PID1: variants seen among roughly 807,000 people sequenced by gnomAD.
The protein encoded by PID1 is PTB-containing, cubilin and LRP1-interacting protein.
Under a neutral mutation model 19.1 loss-of-function variants are expected in PID1, and 10 were observed. The observed-to-expected ratio is 0.52, with a 90% CI of 0.32 to 0.89. The LOEUF (loss-of-function observed/expected upper bound fraction) is 0.89, where lower values mean the gene tolerates loss of function less well. Ranked by LOEUF, PID1 falls within the 40% of genes least tolerant of loss-of-function variation. The probability of loss-of-function intolerance (pLI) is 0.03; values close to 1 mark genes in which losing one functional copy is unlikely to be tolerated. For missense variants in PID1, 248 were observed against 285.3 expected (o/e 0.87, Z 0.94); for synonymous variants, 130 against 116.0 (o/e 1.12, Z -0.78).
intron 1 of PID1, among the ~76,000 whole-genome samples, chr2:229,225,332 G>C (rs148614113): frequency 6.6e-6 from 1 of 152,212 alleles, no homozygotes; most frequent in African/African-American, 2.4e-5. Flanking sequence ...AGTAATGCAT[G>C]GGTTATTCTC....
chr2:229,209,098 A>G (rs997386207), intron 1 of PID1, among the ~76,000 whole-genome samples: 18 of 152,214 alleles, frequency 1.2e-4, no homozygotes. Flanking sequence ...AAAGGTTTCA[A>G]AAAAGGCCAC....
intron 2 of PID1, among the ~76,000 whole-genome samples, chr2:229,136,825 C>A (rs369867416): frequency 6.6e-6 from 1 of 151,972 alleles, no homozygotes; most frequent in Non-Finnish European, 1.5e-5. Context: ...TATTCACAGC[C>A]GTAATGGACA....
intron 2 of PID1, among the ~76,000 whole-genome samples, chr2:229,148,505 T>C (rs567331266): frequency 6.6e-6 from 1 of 152,308 alleles, no homozygotes; most frequent in South Asian, 2.1e-4. Context: ...GTGGCTTAAG[T>C]TCCTGCTGGG....
Position 229,271,078 on chromosome 2 carries a change from G to A in PID1, c.-35C>T, listed in dbSNP as rs1463669205. The A allele has an allele frequency of 6.5e-7, 1 of 1,539,204 alleles. No individual in the cohort carries two copies. Among genetic ancestry groups the A allele is most frequent in the Non-Finnish European group, 8.8e-7 (1 of 1,142,006 alleles). ...CTGGGTTTTGGCAGAGGAGACGCTG[G>A]CGAGACTGTCGATCGCGCCGGGGGG... On this transcript the variant is annotated 5_prime_UTR_variant, in exon 1 of 3. Transcript: ENST00000392055.
chr2:229,158,669 T>C (rs1355283122), intron 1 of PID1, among the ~76,000 whole-genome samples: 1 of 151,762 alleles, frequency 6.6e-6, no homozygotes, highest in Non-Finnish European at 1.5e-5. Flanking sequence ...TTCGTCCAAG[T>C]TGACCTTAAG....
At position 229,065,646 on chromosome 2, in the gene PID1, T is replaced by C. The variant is rs538591026; in HGVS notation, c.178-39538A>G. On this transcript the variant is annotated intron_variant, in intron 2 of 2. Transcript: ENST00000392055. ...AAGGTTTATTGAGGTCATTATTTCC[T>C]CTTAAGAAAAGTTTTTTCATTGTAT... Among the ~76,000 whole-genome samples the C allele has an allele frequency of 2.0e-5, 3 of 148,520 alleles. No individual in the cohort carries two copies. In the Admixed American group the frequency reaches 2.0e-4, roughly 10 times the overall value.
intron 2 of PID1, among the ~76,000 whole-genome samples, chr2:229,077,914 C>T (rs2396609): frequency 0.47 from 72,219 of 152,044 alleles, 19,277 homozygotes; most frequent in Non-Finnish European, 0.6. Flanking sequence ...TTTTCTAATT[C>T]CGTGAAGAAA....
intron 1 of PID1, among the ~76,000 whole-genome samples, chr2:229,207,491 T>C (rs1049653567): frequency 6.7e-6 from 1 of 149,524 alleles, no homozygotes; most frequent in Admixed American, 6.7e-5. Context: ...CCAACATTAG[T>C]AGCATGGGTT....
At chr2:229,248,522 T>C (rs1393497147) in intron 1 of PID1, among the ~76,000 whole-genome samples, 2 of 152,198 alleles carry the variant, frequency 1.3e-5, no homozygotes, top group Non-Finnish European at 2.9e-5. Context: ...TACTTTGAGA[T>C]TCTATAAATA....
At chr2:229,036,313 G>A (rs986191030) in intron 2 of PID1, among the ~76,000 whole-genome samples, 3 of 152,154 alleles carry the variant, frequency 2.0e-5, no homozygotes, top group African/African-American at 7.2e-5. Flanking sequence ...AGCCCTACAG[G>A]CTTCTGTGTG....
intron 2 of PID1, among the ~76,000 whole-genome samples, chr2:229,130,429 G>C (rs1249817616): frequency 3.9e-5 from 6 of 152,146 alleles, no homozygotes; most frequent in African/African-American, 1.4e-4. Context: ...CTTTTTTAAA[G>C]AAAACATAGA....
At chr2:229,156,121 C>T (rs952883886) in intron 1 of PID1, among the ~76,000 whole-genome samples, 157 bp from the exon 2 acceptor site, 11 of 152,164 alleles carry the variant, frequency 7.2e-5, no homozygotes, top group Non-Finnish European at 8.8e-5. Flanking sequence ...GGAACTGTGT[C>T]CTGTCAGGAC....
intron 1 of PID1, among the ~76,000 whole-genome samples, chr2:229,250,171 A>G (rs1452537779): frequency 6.6e-6 from 1 of 152,252 alleles, no homozygotes; most frequent in Non-Finnish European, 1.5e-5. Flanking sequence ...AAATGAAATA[A>G]AAGGAAAAGA....
Position 229,025,899 on chromosome 2 carries a change from C to T in PID1, c.387G>A (p.Gln129=), listed in dbSNP as rs1407480217. 4 of 1,614,230 alleles carry T rather than the reference C, an allele frequency of 2.5e-6. No homozygotes were observed. Among genetic ancestry groups the T allele is most frequent in the Non-Finnish European group, 3.4e-6 (4 of 1,180,026 alleles). ...CGGTGCAGTAGGCGATGCGGGCCAC[C>T]TGGAAGGTATCCATGTGCACTGTGG... ...GEATVHMDTF[Q]VARIAYCTAD... The change falls in exon 3 of 3, where the codon CAG becomes CAA. Residue 129 remains glutamine, a synonymous_variant. Transcript: ENST00000392055.
intron 1 of PID1, among the ~76,000 whole-genome samples, chr2:229,235,757 C>T (rs1196638512): frequency 1.3e-5 from 2 of 152,114 alleles, no homozygotes; most frequent in Non-Finnish European, 2.9e-5. Flanking sequence ...AGATTAAAAT[C>T]ATTCCAAGAA....
In PID1 at chr2:229,155,798, G is replaced by A; in HGVS notation, c.177+20C>T. ...AGGCTATCTCACCAAGAGAACCCCT[G>A]CTGGCCACGTGCCCCATACCTTGCA... is the stretch of plus-strand genomic sequence containing the variant. On this transcript the variant is annotated intron_variant, in intron 2 of 2. Transcript: ENST00000392055. The A allele has an allele frequency of 6.3e-7, 1 of 1,594,518 alleles. No homozygotes were observed. Among genetic ancestry groups the A allele is most frequent in the African/African-American group, 1.3e-5 (1 of 74,472 alleles).
intron 1 of PID1, among the ~76,000 whole-genome samples, chr2:229,165,623 G>C (rs756034279): frequency 6.6e-6 from 1 of 151,890 alleles, no homozygotes; most frequent in Non-Finnish European, 1.5e-5. Context: ...ATGCAAAAAT[G>C]GAAGAAAATA....
chr2:229,150,802 T>C (rs1046026936), intron 2 of PID1, among the ~76,000 whole-genome samples: 25 of 151,710 alleles, frequency 1.6e-4, no homozygotes, highest in South Asian at 1.0e-3. Context: ...GTTGGTTATA[T>C]ATCTACACAT....
chr2:229,184,788 A>ATATATATATATCCCG lies in PID1; in HGVS notation c.31-28839_31-28825dup, dbSNP rs755043457. Among the ~76,000 whole-genome samples, 13 of 3,416 alleles carry ATATATATATATCCCG rather than the reference A, an allele frequency of 3.8e-3. 6 individuals carry two copies. Among genetic ancestry groups the ATATATATATATCCCG allele is most frequent in the East Asian group, 0.021 (6 of 290 alleles). The allele number at this position is 3,416 out of a possible 152,430, so 2.2% of individuals were successfully genotyped here. ...TATCCCGTATATATATATCCCGTAT[A>ATATATATATATCCCG]TATATATATATCCCGTATATATATA... On this transcript the variant is annotated intron_variant, in intron 1 of 2. Transcript: ENST00000392055.
Sources: allele counts gnomAD v4.1 joint callset (sites outside exome capture counted in the v4.1 genomes callset), GRCh38; gene constraint gnomAD v4.1.1; transcripts MANE v1.5; gene names NCBI Gene and HGNC (gene_info 2026-07-23, HGNC 2026-07-21).